Variants in GNE observed in about 807,000 individuals in gnomAD.
GNE encodes the protein glucosamine (UDP-N-acetyl)-2-epimerase/N-acetylmannosamine kinase, also known as bifunctional UDP-N-acetylglucosamine 2-epimerase/N-acetylmannosamine kinase.
GNE carries 41 observed loss-of-function variants against 61.8 expected under a neutral mutation model. That is an observed-to-expected ratio of 0.66 (90% CI 0.52 to 0.86). The LOEUF is 0.86. Ranked by LOEUF, GNE falls within the 40% of genes least tolerant of loss-of-function variation. The probability of loss-of-function intolerance (pLI) is 0.00; values close to 1 mark genes in which losing one functional copy is unlikely to be tolerated. For synonymous variants in GNE, 264 were observed against 326.4 expected (o/e 0.81, Z 2.06); for missense variants, 608 against 909.1 (o/e 0.67, Z 4.26).
rs1828438611 is a variant in GNE at position 36,218,578 on chromosome 9, T to C, written c.1817-279A>G. On this transcript the variant is annotated intron_variant, in intron 10 of 11. Coordinates refer to ENST00000642385, the MANE Select transcript of GNE (RefSeq NM_005476.7). The surrounding 1 kb of genome is among the most constrained non-coding windows in gnomAD (Gnocchi z 4.1). ...TGGCTCCCTCACTTCTCACTTCCAG[T>C]AGCAGACAGTCTTTGAAGTGTTCTT... 1.3e-5 allele frequency among the ~76,000 whole-genome samples: 2 copies of C among 152,218 alleles called. No individual in the cohort carries two copies. The highest frequency in any genetic ancestry group is 1.3e-4 in the Admixed American group (2 of 15,286).
chr9:36,224,066 A>G (rs892951240), intron 7 of GNE, among the ~76,000 whole-genome samples: 2 of 151,804 alleles, frequency 1.3e-5, no homozygotes, highest in African/African-American at 4.8e-5. Context: ...CCCTTTCTTA[A>G]GCTTAAGTTC....
chr9:36,258,232 GGGAGGCCTGGGGCA>G, intron 1 of GNE, 75 bp downstream of exon 1: 1 of 740,254 alleles, frequency 1.4e-6, no homozygotes, highest in Non-Finnish European at 1.7e-6. Context: ...GGCCGGGGAG[GGGAGGCCTGGGGCA>G]GGAGGCCGGG....
In GNE at chr9:36,217,407, A is replaced by C. The variant is rs1282905700; in HGVS notation, c.2127T>G (p.Ala709=). Residue 709 remains alanine, a synonymous_variant, in exon 12 of 12, where the codon GCT becomes GCG. Transcript: ENST00000642385. ...TTGTGTAGTCCAGAACCATGCTGGC[A>C]GCACCCAGCAGGGCGGGGTCAACCA... is the stretch of plus-strand genomic sequence containing the variant. The part of the protein sequence containing the change: ...SDLVDPALLG[A]ASMVLDYTTR... The C allele has an allele frequency of 1.2e-6, 2 of 1,613,310 alleles. No homozygotes were observed. Among genetic ancestry groups the C allele is most frequent in the South Asian group, 2.2e-5 (2 of 91,066 alleles).
chr9:36,256,069 C>T (rs995903475), intron 1 of GNE, among the ~76,000 whole-genome samples: 5 of 151,916 alleles, frequency 3.3e-5, no homozygotes, highest in Non-Finnish European at 2.9e-5. Context: ...GGATTACAGG[C>T]ATGTGACACC....
chr9:36,220,370 G>A (rs926766292), intron 9 of GNE, among the ~76,000 whole-genome samples: 1 of 152,168 alleles, frequency 6.6e-6, no homozygotes, highest in African/African-American at 2.4e-5. Context: ...TAACACTGAA[G>A]CAAGAGCCTA....
intron 3 of GNE, among the ~76,000 whole-genome samples, chr9:36,244,417 A>AT (rs957670348): frequency 2.6e-5 from 4 of 152,230 alleles, no homozygotes; most frequent in East Asian, 1.9e-4. Context: ...GTAAACTTGG[A>AT]TTTTTTTACC....
chr9:36,268,219 T>C (rs746163153), intron 1 of GNE, among the ~76,000 whole-genome samples: 27 of 152,308 alleles, frequency 1.8e-4, no homozygotes, highest in Middle Eastern at 3.4e-3. Context: ...CAGAGAATGC[T>C]CAGTCATCCC....
chr9:36,258,584 T>C, upstream of GNE: 6 of 902,390 alleles, frequency 6.6e-6, no homozygotes, highest in Non-Finnish European at 8.0e-6. Flanking sequence ...TCCCCCACCT[T>C]CCCGGCGGTA....
Position 36,218,111 on chromosome 9 carries a change from TG to T in GNE, c.1933+71del. On this transcript the variant is annotated intron_variant, in intron 11 of 11. Transcript: ENST00000642385. The surrounding 1 kb of genome is among the most constrained non-coding windows in gnomAD (Gnocchi z 4.1). The stretch of plus-strand genomic sequence containing the variant: ...GTCCCTAGGGAAGCAGGGTCTCTTC[TG>T]GGGCCGGGCTGGGCCATATGATATC... The T allele has an allele frequency of 1.0e-6, 1 of 1,003,362 alleles. No homozygotes were observed. The highest frequency in any genetic ancestry group is 1.6e-6 in the Non-Finnish European group (1 of 622,986). The allele number at this position is 1,003,362 out of a possible 1,614,324, so 62.2% of individuals were successfully genotyped here. A position where few individuals can be genotyped will look rare whatever the true frequency, so the allele number is the denominator to read the frequency against.
chr9:36,217,329 G>A lies in GNE; in HGVS notation c.*36C>T, dbSNP rs1475117723. ...GACAAGAACTTGATTCCACTCAGGA[G>A]CTCTGGAGAGAAGGTCCATGTCTGT... On this transcript the variant is annotated 3_prime_UTR_variant, in exon 12 of 12. Coordinates refer to ENST00000642385, the MANE Select transcript of GNE (RefSeq NM_005476.7). 7.4e-7 allele frequency: 1 copy of A among 1,354,526 alleles called. No individual in the cohort carries two copies. Among genetic ancestry groups the A allele is most frequent in the South Asian group, 1.2e-5 (1 of 84,692 alleles). The allele number at this position is 1,354,526 out of a possible 1,614,324, so 83.9% of individuals were successfully genotyped here. A position where few individuals can be genotyped will look rare whatever the true frequency, so the allele number is the denominator to read the frequency against.
At chr9:36,252,445 TTTGTATTTATTTTA>T in intron 1 of GNE, among the ~76,000 whole-genome samples, 1 of 152,342 alleles carries the variant, frequency 6.6e-6, no homozygotes, top group Admixed American at 6.5e-5. Context: ...GGTTTGTCAA[TTTGTATTTATTTTA>T]CAAAGAACAG....
chr9:36,270,092 G>C (rs542871131), intron 1 of GNE, among the ~76,000 whole-genome samples: 1 of 152,222 alleles, frequency 6.6e-6, no homozygotes, highest in South Asian at 2.1e-4. Context: ...ATCCCAAGTA[G>C]CTGGGACTTA....
chr9:36,249,166 A>C (rs963846420), intron 2 of GNE, 26 bp downstream of exon 2: 1 of 1,577,540 alleles, frequency 6.3e-7, no homozygotes, highest in Non-Finnish European at 8.7e-7. Context: ...GTTGCAATGA[A>C]GAATAAGAAA....
At chr9:36,265,350 G>A (rs1453653846) in intron 1 of GNE, 9 of 450,136 alleles carry the variant, frequency 2.0e-5, no homozygotes, top group Admixed American at 4.7e-5. Context: ...GAAGCAACCC[G>A]CCACCATGTT....
intron 5 of GNE, among the ~76,000 whole-genome samples, chr9:36,233,197 T>A (rs1250571751): frequency 1.3e-5 from 2 of 152,184 alleles, no homozygotes; most frequent in Non-Finnish European, 2.9e-5. Flanking sequence ...GTTAGCAAAT[T>A]CATTAATAAT....
chr9:36,233,634 C>T (rs1222014159), intron 5 of GNE, among the ~76,000 whole-genome samples: 4 of 151,316 alleles, frequency 2.6e-5, no homozygotes, highest in African/African-American at 9.7e-5. Flanking sequence ...GCTACTGCAC[C>T]CCAGCCTGGG....
chr9:36,231,091 A>AAG (rs749133221), intron 5 of GNE, among the ~76,000 whole-genome samples: 17 of 135,912 alleles, frequency 1.3e-4, no homozygotes, highest in African/African-American at 2.9e-4. Context: ...AAAAGAAAGA[A>AAG]AGAGAGAGAG....
rs997087840 is a variant in GNE, at chr9:36,214,995, C to T, written c.*2370G>A. 1 of 152,104 alleles carries T rather than the reference C, an allele frequency of 6.6e-6. No individual in the cohort carries two copies. The highest frequency in any genetic ancestry group is 2.4e-5 in the African/African-American group (1 of 41,412). 9.4% of individuals were successfully genotyped at this position (152,104 alleles called of 1,614,324 possible). On this transcript the variant is annotated 3_prime_UTR_variant, in exon 12 of 12. Coordinates refer to ENST00000642385, the MANE Select transcript of GNE (RefSeq NM_005476.7). ...AATAGAAATCTGAAAGATATATGCA[C>T]ATGATTTCTTAGATCATCTAAAAGT...
chr9:36,276,067 G>A (rs947270960), intron 1 of GNE, among the ~76,000 whole-genome samples: 1 of 152,004 alleles, frequency 6.6e-6, no homozygotes, highest in Admixed American at 6.6e-5. Flanking sequence ...TGACTACTTG[G>A]GAGGCTGAGG....
Sources: gnomAD v4.1 joint callset for allele counts (sites outside exome capture counted in the v4.1 genomes callset) on GRCh38, gnomAD v4.1.1 for gene constraint, Gnocchi (gnomAD v3.1) non-coding constraint, MANE v1.5 for transcripts, NCBI Gene and HGNC (gene_info 2026-07-23, HGNC 2026-07-21) for gene names.